The following BRD4 variants were observed in gnomAD, a reference collection of about 807,000 sequenced individuals.
BRD4 encodes bromodomain containing 4.
In BRD4, 16 loss-of-function variants were observed where a neutral mutation model predicts 142.1. The ratio of observed to expected loss-of-function variants is 0.11; its 90% CI spans 0.08 to 0.17. The LOEUF is 0.17. BRD4 is among the 10% of genes least tolerant of loss of function. The probability of loss-of-function intolerance (pLI) is 1.00; values close to 1 mark genes in which losing one functional copy is unlikely to be tolerated. For missense variants in BRD4, 1,424 were observed against 1,810.9 expected (o/e 0.79, Z 3.88); for synonymous variants, 833 against 707.5 (o/e 1.18, Z -2.82).
chr19:15,244,672 C>A, intron 12 of BRD4, 38 bp downstream of exon 12: 1 of 1,614,094 alleles, frequency 6.2e-7, no homozygotes, highest in Non-Finnish European at 8.5e-7. Flanking sequence ...CCAGACCCAA[C>A]GTCCCACCTA....
At chr19:15,317,496 T>C (rs2048026981) in intron 1 of BRD4, among the ~76,000 whole-genome samples, 1 of 152,148 alleles carries the variant, frequency 6.6e-6, no homozygotes, top group Non-Finnish European at 1.5e-5. Flanking sequence ...AAAATGTAGT[T>C]TTATACTTTA....
At chr19:15,326,907 T>C (rs564852229) in intron 1 of BRD4, among the ~76,000 whole-genome samples, 1 of 152,322 alleles carries the variant, frequency 6.6e-6, no homozygotes, top group Non-Finnish European at 1.5e-5. Flanking sequence ...CATCACCCTT[T>C]ACAATAAAGG....
chr19:15,263,471 A>G lies in BRD4; in HGVS notation c.1290T>C (p.Tyr430=), dbSNP rs755476290. The change falls in exon 7 of 20, where the codon TAT becomes TAC. Residue 430 remains tyrosine (Y), a synonymous_variant. Coordinates refer to ENST00000679869, the MANE Select transcript of BRD4 (RefSeq NM_001379291.1). ...CCTCATGGTCAGGAGGGTTGTACTT[A>G]TAGCAGTTGGAGAACATCAATCGGA... The part of the protein sequence containing the change: ...ADVRLMFSNC[Y]KYNPPDHEVV... 1 of 1,614,186 alleles carries G rather than the reference A, an allele frequency of 6.2e-7. No homozygotes were observed. The highest frequency in any genetic ancestry group is 8.5e-7 in the Non-Finnish European group (1 of 1,180,028).
At chr19:15,262,531 A>G (rs1376382910) in intron 7 of BRD4, among the ~76,000 whole-genome samples, 2 of 149,950 alleles carry the variant, frequency 1.3e-5, no homozygotes, top group South Asian at 2.1e-4. Context: ...CTTTAAAAAA[A>G]AAAAAAAAAA....
chr19:15,327,433 A>G (rs945216944), intron 1 of BRD4, among the ~76,000 whole-genome samples: 1 of 152,126 alleles, frequency 6.6e-6, no homozygotes, highest in Non-Finnish European at 1.5e-5. Flanking sequence ...AATCCCAATT[A>G]CTTGGGAGGT....
At chr19:15,320,722 C>A (rs1053126432) in intron 1 of BRD4, among the ~76,000 whole-genome samples, 2 of 152,220 alleles carry the variant, frequency 1.3e-5, no homozygotes, top group African/African-American at 4.8e-5. Flanking sequence ...AGAGCTCCTT[C>A]TATGCCTGAC....
intron 1 of BRD4, among the ~76,000 whole-genome samples, chr19:15,306,818 A>G (rs1333218975): frequency 6.6e-6 from 1 of 152,116 alleles, no homozygotes; most frequent in Non-Finnish European, 1.5e-5. Context: ...AAACTATGAT[A>G]ATGACACCCA....
At chr19:15,275,052 T>C (rs1306723940) in intron 1 of BRD4, among the ~76,000 whole-genome samples, 2 of 151,760 alleles carry the variant, frequency 1.3e-5, no homozygotes, top group Admixed American at 6.6e-5. Flanking sequence ...GGAGATGGGG[T>C]TTCACCATGT....
intron 11 of BRD4, among the ~76,000 whole-genome samples, chr19:15,250,444 G>C (rs534267037): frequency 6.6e-6 from 1 of 152,308 alleles, no homozygotes; most frequent in African/African-American, 2.4e-5. Flanking sequence ...AACGCCCCAT[G>C]GCCTCTGTCT....
intron 1 of BRD4, among the ~76,000 whole-genome samples, chr19:15,282,986 ATAAT>A (rs1040356390): frequency 5.9e-5 from 9 of 152,326 alleles, no homozygotes; most frequent in South Asian, 2.1e-4. Flanking sequence ...AATAAATTAA[ATAAT>A]TAAATTATGA....
At chr19:15,271,595 A>C (rs1162230392) in intron 2 of BRD4, among the ~76,000 whole-genome samples, 1 of 151,640 alleles carries the variant, frequency 6.6e-6, no homozygotes. Flanking sequence ...TGAGAATTTC[A>C]CTCTCAACTA....
rs139577455 is a variant in BRD4 at position 15,302,600 on chromosome 19, C to T, written c.-34-29467G>A. ...AGGAGAATTGCTTGAGCCCAGGAGGCGGAAGTTGCAGTGAGCTGAGATCGT... is the reference window on the plus strand; with the variant it reads ...AGGAGAATTGCTTGAGCCCAGGAGGTGGAAGTTGCAGTGAGCTGAGATCGT... On this transcript the variant is annotated intron_variant, in intron 1 of 19. Transcript: ENST00000679869. 7.7e-3 allele frequency among the ~76,000 whole-genome samples: 929 copies of T among 120,056 alleles called. 12 individuals are homozygous for T. The highest frequency in any genetic ancestry group is 0.028 in the African/African-American group (879 of 31,208). 78.8% of individuals were successfully genotyped at this position (120,056 alleles called of 152,430 possible).
chr19:15,254,591 C>T (rs1430969863), intron 10 of BRD4, among the ~76,000 whole-genome samples: 1 of 152,176 alleles, frequency 6.6e-6, no homozygotes, highest in Admixed American at 6.5e-5. Context: ...TGGATTCTCC[C>T]AGTTACTCTT....
intron 1 of BRD4, among the ~76,000 whole-genome samples, chr19:15,322,941 T>C (rs558506799): frequency 6.7e-6 from 1 of 150,300 alleles, no homozygotes; most frequent in East Asian, 2.0e-4. Context: ...TCCCAGCTAC[T>C]TGGGAGGCTG....
At chr19:15,289,549 C>T (rs2047765295) in intron 1 of BRD4, among the ~76,000 whole-genome samples, 1 of 151,548 alleles carries the variant, frequency 6.6e-6, no homozygotes, top group South Asian at 2.1e-4. Context: ...GAAACTCCAT[C>T]TTAAAATAAA....
At chr19:15,245,033 C>T (rs1376295724) in intron 11 of BRD4, 3 of 576,552 alleles carry the variant, frequency 5.2e-6, no homozygotes, top group Non-Finnish European at 9.0e-6. Context: ...CACGGTTGCA[C>T]CGGAAGCTGA....
intron 1 of BRD4, among the ~76,000 whole-genome samples, chr19:15,282,227 T>C (rs1025299487): frequency 3.9e-5 from 6 of 152,026 alleles, no homozygotes; most frequent in Non-Finnish European, 8.8e-5. Flanking sequence ...CCTCACTGTG[T>C]GCCAAAAAAA....
At chr19:15,304,954 GGATAGT>G (rs2047901028) in intron 1 of BRD4, among the ~76,000 whole-genome samples, 1 of 151,728 alleles carries the variant, frequency 6.6e-6, no homozygotes, top group Admixed American at 6.6e-5. Context: ...TTTCACTTCA[GGATAGT>G]GTTCTTCCCA....
intron 1 of BRD4, among the ~76,000 whole-genome samples, chr19:15,290,654 A>T (rs1168733935): frequency 1.3e-5 from 2 of 152,162 alleles, no homozygotes; most frequent in African/African-American, 4.8e-5. Flanking sequence ...GCAAACAGCT[A>T]ATCTGGCCAG....
Sources: gnomAD v4.1 joint callset for allele counts (sites outside exome capture counted in the v4.1 genomes callset) on GRCh38, gnomAD v4.1.1 for gene constraint, MANE v1.5 for transcripts, NCBI Gene and HGNC (gene_info 2026-07-23, HGNC 2026-07-21) for gene names.